CIT: variants seen among roughly 807,000 people sequenced by gnomAD.
CIT encodes the protein citron rho-interacting serine/threonine kinase.
CIT carries 79 observed loss-of-function variants against 272.7 expected under a neutral mutation model. The observed-to-expected ratio is 0.29, with a 90% CI of 0.24 to 0.35. The LOEUF (loss-of-function observed/expected upper bound fraction) is 0.35. CIT is among the 10% of genes least tolerant of loss of function. The probability of loss-of-function intolerance (pLI) is 1.00; values close to 1 mark genes in which losing one functional copy is unlikely to be tolerated. For missense variants in CIT, 1,909 were observed against 2,618.3 expected, an observed-to-expected ratio of 0.73 and a Z score of 5.91; for synonymous variants, 948 against 995.6, an observed-to-expected ratio of 0.95 and a Z score of 0.90.
Position 119,803,493 on chromosome 12 carries a change from G to A in CIT, c.1112-104C>T, listed in dbSNP as rs956571360. On this transcript the variant is annotated intron_variant, in intron 9 of 47. Coordinates refer to ENST00000392521, the MANE Select transcript of CIT (RefSeq NM_001206999.2). Reference sequence around the variant, plus strand: ...GTCTTACTCCTTCGGCGCTGGCGATGGCACTGCAGCGCCTGCTTTCAATCT... The same window carrying A: ...GTCTTACTCCTTCGGCGCTGGCGATAGCACTGCAGCGCCTGCTTTCAATCT... 18 of 784,934 alleles carry A rather than the reference G, an allele frequency of 2.3e-5. No homozygotes were observed. In the African/African-American group the frequency reaches 3.1e-4, roughly 13 times the overall value. The allele number at this position is 784,934 out of a possible 1,614,324, so 48.6% of individuals were successfully genotyped here. A position where few individuals can be genotyped will look rare whatever the true frequency, so the allele number is the denominator to read the frequency against.
At chr12:119,706,932 G>A (rs1313356446) in intron 40 of CIT, among the ~76,000 whole-genome samples, 4 of 152,134 alleles carry the variant, frequency 2.6e-5, no homozygotes, top group South Asian at 4.1e-4. Context: ...TTTTCTCCAC[G>A]ACCTCACCAG....
intron 4 of CIT, among the ~76,000 whole-genome samples, chr12:119,854,417 C>T (rs955805749): frequency 6.6e-6 from 1 of 151,336 alleles, no homozygotes; most frequent in Non-Finnish European, 1.5e-5. Context: ...GTGGGCAGAT[C>T]ACTTGAGGTC....
In CIT at chr12:119,746,446, T is replaced by C. The variant is rs963738706; in HGVS notation, c.2905-3982A>G. 3.3e-5 allele frequency among the ~76,000 whole-genome samples: 5 copies of C among 152,216 alleles called. 1 individual carries two copies. Among genetic ancestry groups the C allele is most frequent in the Non-Finnish European group, 7.3e-5 (5 of 68,038 alleles). Reference sequence around the variant, plus strand: ...CCAGTCTCTGCTCTAAATGACTATTTGGTGTGAAATCTCTCAAAAACAGAA... The same window carrying C: ...CCAGTCTCTGCTCTAAATGACTATTCGGTGTGAAATCTCTCAAAAACAGAA... On this transcript the variant is annotated intron_variant, in intron 23 of 47. Coordinates refer to ENST00000392521, the MANE Select transcript of CIT (RefSeq NM_001206999.2).
intron 5 of CIT, among the ~76,000 whole-genome samples, chr12:119,845,628 G>A (rs1177651756): frequency 6.7e-6 from 1 of 149,498 alleles, no homozygotes; most frequent in Non-Finnish European, 1.5e-5. Context: ...ACTCCAGCCT[G>A]GGCAACAGAG....
At position 119,762,706 on chromosome 12, in the gene CIT, G is replaced by T. The variant is rs574570305; in HGVS notation, c.2305-1651C>A. On this transcript the variant is annotated intron_variant, in intron 19 of 47. Coordinates refer to ENST00000392521, the MANE Select transcript of CIT (RefSeq NM_001206999.2). ...TGGTCAAGAAGGATACCAATAAGAG[G>T]TAAGTATGAGCTAGAAGGGATAAGC... Among the ~76,000 whole-genome samples, 33 of 152,268 alleles carry T rather than the reference G, an allele frequency of 2.2e-4. No individual in the cohort carries two copies. The East Asian group carries it at 6.0e-3, about 28-fold the overall frequency.
chr12:119,783,261 G>A (rs1030090187), intron 12 of CIT: 9 of 152,190 alleles, frequency 5.9e-5, no homozygotes, highest in East Asian at 1.9e-4. Flanking sequence ...AATCAGCCAC[G>A]TTCTATAGAT....
intron 7 of CIT, 60 bp from the exon 8 acceptor site, chr12:119,825,428 C>T (rs1160542986): frequency 6.1e-6 from 9 of 1,466,776 alleles, no homozygotes; most frequent in Non-Finnish European, 8.5e-6. Flanking sequence ...AGTAGACTGC[C>T]AACAGCCACA....
intron 23 of CIT, 50 bp downstream of exon 23, chr12:119,752,000 A>T (rs1375822524): frequency 6.5e-7 from 1 of 1,527,166 alleles, no homozygotes. Flanking sequence ...TTCCACACTC[A>T]TCCTAGCTGA....
Position 119,789,782 on chromosome 12 carries a change from C to A in CIT, c.1296-4717G>T, listed in dbSNP as rs189015780. 4.1e-3 allele frequency among the ~76,000 whole-genome samples: 626 copies of A among 152,308 alleles called. 4 individuals are homozygous for A. The highest frequency in any genetic ancestry group is 5.8e-3 in the Non-Finnish European group (392 of 68,026). On this transcript the variant is annotated intron_variant, in intron 10 of 47. Coordinates refer to ENST00000392521, the MANE Select transcript of CIT (RefSeq NM_001206999.2). ...AGTGCAGTGGCACAATCTCGGCTCA[C>A]TGCAACCTCCACCTCCCGGGTTCAA...
chr12:119,814,647 G>C (rs1224050368), intron 9 of CIT, among the ~76,000 whole-genome samples: 2 of 152,126 alleles, frequency 1.3e-5, no homozygotes, highest in African/African-American at 2.4e-5. Flanking sequence ...CATGGAACTA[G>C]CTTAGAAAAC....
intron 28 of CIT, among the ~76,000 whole-genome samples, chr12:119,727,809 A>G (rs1274378510): frequency 6.6e-6 from 1 of 152,018 alleles, no homozygotes. Context: ...ATATACCTGT[A>G]GTCCCAGCTA....
intron 18 of CIT, among the ~76,000 whole-genome samples, chr12:119,767,385 T>C (rs1042549186): frequency 1.3e-5 from 2 of 152,176 alleles, no homozygotes; most frequent in African/African-American, 4.8e-5. Context: ...CGCACACACA[T>C]ACACACATAG....
intron 10 of CIT, among the ~76,000 whole-genome samples, chr12:119,799,380 G>T (rs368391760): frequency 6.6e-6 from 1 of 152,100 alleles, no homozygotes; most frequent in Non-Finnish European, 1.5e-5. Context: ...CTTCCACTTC[G>T]CAGTTGAAGA....
At chr12:119,791,868 C>T (rs1965339164) in intron 10 of CIT, among the ~76,000 whole-genome samples, 1 of 152,170 alleles carries the variant, frequency 6.6e-6, no homozygotes, top group Admixed American at 6.5e-5. Context: ...AAAGAGCAGG[C>T]ATGGTCATTA....
chr12:119,748,000 C>CA lies in CIT; in HGVS notation c.2904+4049dup, dbSNP rs201832533. 4.0e-3 allele frequency among the ~76,000 whole-genome samples: 601 copies of CA among 151,618 alleles called. 3 individuals are homozygous for CA. Among genetic ancestry groups the CA allele is most frequent in the Admixed American group, 7.4e-3 (113 of 15,222 alleles). ...GAAACACGGTGAAACCTCTTCTTTA[C>CA]AAAAAAATACAAAAGTTAACCAGGT... is the stretch of plus-strand genomic sequence containing the variant. On this transcript the variant is annotated intron_variant, in intron 23 of 47. Coordinates refer to ENST00000392521, the MANE Select transcript of CIT (RefSeq NM_001206999.2).
chr12:119,686,186 G>C lies in CIT; in HGVS notation c.*2046C>G, dbSNP rs1955573707. ...CTTGTAAATATGTACAGTCTTTTGA[G>C]CTAGTTCTATATAGCAGAAAGCAGT... is the stretch of plus-strand genomic sequence containing the variant. On this transcript the variant is annotated 3_prime_UTR_variant, in exon 48 of 48. Transcript: ENST00000392521. 1.3e-5 allele frequency: 2 copies of C among 151,902 alleles called. No individual in the cohort carries two copies. The highest frequency in any genetic ancestry group is 2.9e-5 in the Non-Finnish European group (2 of 67,966). The allele number at this position is 151,902 out of a possible 1,614,324, so 9.4% of individuals were successfully genotyped here.
intron 25 of CIT, among the ~76,000 whole-genome samples, chr12:119,734,623 T>C (rs890767656): frequency 3.1e-4 from 47 of 151,986 alleles, no homozygotes; most frequent in African/African-American, 9.4e-4. Context: ...CCCAAAGCAT[T>C]TGATTTTGTT....
intron 18 of CIT, among the ~76,000 whole-genome samples, chr12:119,769,773 G>A (rs1400708064): frequency 6.6e-6 from 1 of 152,154 alleles, no homozygotes; most frequent in Non-Finnish European, 1.5e-5. Context: ...TTTACCTGTT[G>A]ATTCGAGAAC....
chr12:119,794,647 T>C (rs564631873), intron 10 of CIT, among the ~76,000 whole-genome samples: 15 of 152,260 alleles, frequency 9.9e-5, no homozygotes, highest in South Asian at 4.1e-4. Flanking sequence ...ACAGACTCCA[T>C]TCAGAGTAAA....
Sources: gnomAD v4.1 joint callset for allele counts (sites outside exome capture counted in the v4.1 genomes callset) on GRCh38, gnomAD v4.1.1 for gene constraint, MANE v1.5 for transcripts, NCBI Gene and HGNC (gene_info 2026-07-23, HGNC 2026-07-21) for gene names.